Variants in RCOR1 observed in about 807,000 individuals in gnomAD.
RCOR1 encodes the protein REST corepressor.
In RCOR1, 12 loss-of-function variants were observed where a neutral mutation model predicts 64.0. That is an observed-to-expected ratio of 0.19 (90% CI 0.12 to 0.30). The LOEUF (loss-of-function observed/expected upper bound fraction) is 0.30, where lower values mean the gene tolerates loss of function less well. Among genes scored for constraint, RCOR1 ranks in the 10% least tolerant of loss-of-function variants. The pLI is 1.00. For synonymous variants in RCOR1, 279 were observed against 227.2 expected (o/e 1.23, Z -2.05); for missense variants, 502 against 621.2 (o/e 0.81, Z 2.04).
chr14:102,726,672 C>T lies in RCOR1; in HGVS notation c.*166C>T. Reference sequence around the variant, plus strand: ...GTGCTCCATCTGCCTTAATTCTTTGCTCGTTCCTCCATGTTGGCGCCACTT... The same window carrying T: ...GTGCTCCATCTGCCTTAATTCTTTGTTCGTTCCTCCATGTTGGCGCCACTT... On this transcript the variant is annotated 3_prime_UTR_variant, in exon 12 of 12. Coordinates refer to ENST00000262241, the MANE Select transcript of RCOR1 (RefSeq NM_015156.4). The T allele has an allele frequency of 3.3e-6, 2 of 606,058 alleles. No individual in the cohort carries two copies. Among genetic ancestry groups the T allele is most frequent in the Non-Finnish European group, 5.7e-6 (2 of 352,704 alleles). 37.5% of individuals were successfully genotyped at this position (606,058 alleles called of 1,614,324 possible).
At chr14:102,651,538 G>T (rs1306032089) in intron 2 of RCOR1, among the ~76,000 whole-genome samples, 1 of 150,608 alleles carries the variant, frequency 6.6e-6, no homozygotes, top group African/African-American at 2.5e-5. Context: ...GGGCAACAGA[G>T]TGAGACTCCA....
intron 2 of RCOR1, among the ~76,000 whole-genome samples, chr14:102,676,626 T>C (rs866850042): frequency 0.015 from 687 of 45,942 alleles, no homozygotes; most frequent in Admixed American, 0.02. Flanking sequence ...GCTGGCCAGG[T>C]GGGGGGCTGA....
chr14:102,643,318 G>A, intron 2 of RCOR1: 1 of 980,762 alleles, frequency 1.0e-6, no homozygotes, highest in Non-Finnish European at 1.2e-6. Context: ...TAGAAAAGAT[G>A]TGAACAAACC....
chr14:102,713,858 C>T (rs1246745777), intron 7 of RCOR1, among the ~76,000 whole-genome samples: 1 of 152,162 alleles, frequency 6.6e-6, no homozygotes, highest in Admixed American at 6.5e-5. Flanking sequence ...ATAAAAACTT[C>T]TTGTTCTTAA....
chr14:102,619,499 G>T (rs1893830167), intron 2 of RCOR1, among the ~76,000 whole-genome samples: 1 of 107,766 alleles, frequency 9.3e-6, no homozygotes, highest in African/African-American at 3.6e-5. Flanking sequence ...TTTTTTTTTG[G>T]AGTCAGGTTC....
At chr14:102,634,067 C>T (rs771960055) in intron 2 of RCOR1, among the ~76,000 whole-genome samples, 5 of 152,044 alleles carry the variant, frequency 3.3e-5, no homozygotes, top group Non-Finnish European at 7.3e-5. Context: ...AAACATGTTA[C>T]TCTTGTTCAG....
intron 2 of RCOR1, among the ~76,000 whole-genome samples, chr14:102,597,671 A>G (rs1410265267): frequency 1.5e-3 from 80 of 54,504 alleles, no homozygotes; most frequent in African/African-American, 5.3e-3. Context: ...GAGTCTTTCT[A>G]TGTTGCCCAG....
At chr14:102,714,969 G>A (rs773029272) in intron 8 of RCOR1, among the ~76,000 whole-genome samples, 1 of 151,992 alleles carries the variant, frequency 6.6e-6, no homozygotes, top group Non-Finnish European at 1.5e-5. Context: ...CCAGGCCCAT[G>A]CATTTTCCCT....
intron 2 of RCOR1, among the ~76,000 whole-genome samples, chr14:102,611,156 G>A (rs148184265): frequency 5.3e-4 from 81 of 151,850 alleles, no homozygotes; most frequent in Admixed American, 1.3e-3. Flanking sequence ...TGCAGCCTCC[G>A]CCCCCACACC....
rs77290998 is a variant in RCOR1 at position 102,594,166 on chromosome 14, A to G, written c.361+841A>G. Among the ~76,000 whole-genome samples, 265 of 152,318 alleles carry G rather than the reference A, an allele frequency of 1.7e-3. 5 individuals are homozygous for G. In the East Asian group the frequency reaches 0.047, roughly 27 times the overall value. On this transcript the variant is annotated intron_variant, in intron 2 of 11. Transcript: ENST00000262241. ...AATTCGTCAGATTTTAATGCATGAG[A>G]TTCTAGCCAGTGTCTGTATGAGACT...
intron 2 of RCOR1, among the ~76,000 whole-genome samples, chr14:102,670,856 C>T (rs1237151998): frequency 6.6e-6 from 1 of 151,868 alleles, no homozygotes; most frequent in Non-Finnish European, 1.5e-5. Context: ...TCACTGCAAC[C>T]TCTGCCTCCC....
chr14:102,726,639 C>G lies in RCOR1; in HGVS notation c.*133C>G. On this transcript the variant is annotated 3_prime_UTR_variant, in exon 12 of 12. Coordinates refer to ENST00000262241, the MANE Select transcript of RCOR1 (RefSeq NM_015156.4). ...CTATTACCAAAAAAGGCATATACTT[C>G]CAGTCCTGTGCTCCATCTGCCTTAA... is the stretch of plus-strand genomic sequence containing the variant. The G allele has an allele frequency of 1.4e-6, 1 of 729,484 alleles. No homozygotes were observed. The highest frequency in any genetic ancestry group is 2.3e-6 in the Non-Finnish European group (1 of 437,134). The allele number at this position is 729,484 out of a possible 1,614,324, so 45.2% of individuals were successfully genotyped here.
chr14:102,613,619 A>G (rs1349596768), intron 2 of RCOR1, among the ~76,000 whole-genome samples: 1 of 151,288 alleles, frequency 6.6e-6, no homozygotes, highest in Non-Finnish European at 1.5e-5. Context: ...TTTTTAGTAG[A>G]GACGGGGTTT....
At chr14:102,656,017 C>T (rs1031736450) in intron 2 of RCOR1, 11 of 984,556 alleles carry the variant, frequency 1.1e-5, no homozygotes, top group Non-Finnish European at 1.3e-5. Context: ...CCAACTAATG[C>T]AGTGGATTCC....
chr14:102,715,972 C>G (rs1469711269), intron 8 of RCOR1, among the ~76,000 whole-genome samples: 1 of 152,224 alleles, frequency 6.6e-6, no homozygotes, highest in Non-Finnish European at 1.5e-5. Flanking sequence ...CCAGTTGTGA[C>G]AACAGAAATA....
chr14:102,704,281 G>A (rs1490599581), intron 4 of RCOR1, among the ~76,000 whole-genome samples: 2 of 152,198 alleles, frequency 1.3e-5, no homozygotes, highest in Non-Finnish European at 2.9e-5. Flanking sequence ...TAACCTGCAC[G>A]GTGATGTGAA....
At chr14:102,651,534 C>T (rs1391857719) in intron 2 of RCOR1, among the ~76,000 whole-genome samples, 1 of 145,828 alleles carries the variant, frequency 6.9e-6, no homozygotes, top group Non-Finnish European at 1.5e-5. Flanking sequence ...GCCTGGGCAA[C>T]AGAGTGAGAC....
At chr14:102,608,020 C>T (rs1893550011) in intron 2 of RCOR1, among the ~76,000 whole-genome samples, 1 of 151,930 alleles carries the variant, frequency 6.6e-6, no homozygotes, top group Non-Finnish European at 1.5e-5. Context: ...CACGCTACTG[C>T]ACTCAAGCCC....
intron 2 of RCOR1, among the ~76,000 whole-genome samples, chr14:102,626,769 T>C (rs758568806): frequency 8.5e-5 from 13 of 152,186 alleles, no homozygotes; most frequent in Admixed American, 3.3e-4. Flanking sequence ...TCCTCCCAGA[T>C]TGCAGGATTT....
Sources: allele counts gnomAD v4.1 joint callset (sites outside exome capture counted in the v4.1 genomes callset), GRCh38; gene constraint gnomAD v4.1.1; transcripts MANE v1.5; gene names NCBI Gene and HGNC (gene_info 2026-07-23, HGNC 2026-07-21).